SHROOM4: variants seen among roughly 807,000 people sequenced by gnomAD.
SHROOM4 encodes the protein protein Shroom4.
In SHROOM4, 17 loss-of-function variants were observed where a neutral mutation model predicts 80.3. That is an observed-to-expected ratio of 0.21 (90% CI 0.14 to 0.32). The LOEUF is 0.32. Ranked by LOEUF, SHROOM4 falls within the 10% of genes least tolerant of loss-of-function variation. SHROOM4 has a pLI of 1.00. For missense variants in SHROOM4, 993 were observed against 1,140.3 expected, an observed-to-expected ratio of 0.87 and a Z score of 1.86; for synonymous variants, 400 against 437.5, an observed-to-expected ratio of 0.91 and a Z score of 1.07.
Position 50,598,477 on chromosome X carries a change from C to A in SHROOM4, c.4001G>T (p.Gly1334Val). ...ATTGGCATTGATGTCCTCTAGCAGCCCTCGCTGGGCCTCCCGCAAGACAGA... is the reference window on the plus strand; with the variant it reads ...ATTGGCATTGATGTCCTCTAGCAGCACTCGCTGGGCCTCCCGCAAGACAGA... ...KLSVLREAQR[G>V]LLEDINANSA... The change falls in exon 8 of 9, where the codon GGG becomes GTG. Residue 1334 changes from glycine (G) to valine (V), a missense_variant. Gly to Val is a moderately radical substitution (Grantham distance 109, BLOSUM62 -3). Transcript: ENST00000376020. 2 of 1,206,841 alleles carry A rather than the reference C, an allele frequency of 1.7e-6. No individual in the cohort carries two copies. The highest frequency in any genetic ancestry group is 2.2e-6 in the Non-Finnish European group (2 of 892,947).
chrX:50,804,465 T>G (rs782730848), intron 1 of SHROOM4, among the ~76,000 whole-genome samples: 7 of 112,284 alleles, frequency 6.2e-5, no homozygotes, highest in Non-Finnish European at 1.3e-4. Context: ...TTTCCCTCCC[T>G]CCGTCTGTCC....
intron 1 of SHROOM4, among the ~76,000 whole-genome samples, chrX:50,809,331 T>C (rs924392839): frequency 1.8e-5 from 2 of 112,320 alleles, no homozygotes; most frequent in Admixed American, 1.9e-4. Flanking sequence ...AGACAACCTC[T>C]ATCTGAGTTT....
At chrX:50,611,862 G>A (rs191434851) in intron 5 of SHROOM4, among the ~76,000 whole-genome samples, 45 of 111,388 alleles carry the variant, frequency 4.0e-4, no homozygotes, top group African/African-American at 1.4e-3. Flanking sequence ...GGAGGCTGCA[G>A]TGAACTGAGA....
chrX:50,704,340 T>G (rs1933600490), intron 1 of SHROOM4, among the ~76,000 whole-genome samples: 1 of 112,423 alleles, frequency 8.9e-6, no homozygotes, highest in Non-Finnish European at 1.9e-5. Flanking sequence ...ATAATTCTAC[T>G]TGGATTAATA....
rs1557248891 is a variant in SHROOM4, at chrX:50,607,749, C to CTCT, written c.3392_3393insAGA (p.Glu1151dup). ...CTTCTTCCTCCTCCTCCTCCTCCTC[C>CTCT]TGTTGCTTCTGCTGCTGCTGTTGCT... is the stretch of plus-strand genomic sequence containing the variant. On this transcript the variant is annotated inframe_insertion, in exon 6 of 9. Coordinates refer to ENST00000376020, the MANE Select transcript of SHROOM4 (RefSeq NM_020717.5). 8.4e-7 allele frequency: 1 copy of CTCT among 1,189,031 alleles called. No individual in the cohort carries two copies. The highest frequency in any genetic ancestry group is 1.1e-6 in the Non-Finnish European group (1 of 883,929).
At chrX:50,601,102 T>C (rs1929375824) in intron 7 of SHROOM4, among the ~76,000 whole-genome samples, 1 of 111,579 alleles carries the variant, frequency 9.0e-6, no homozygotes, top group Admixed American at 9.5e-5. Flanking sequence ...AGTTGTGGAG[T>C]CATCACAGAT....
chrX:50,803,434 A>G (rs1936168174), intron 1 of SHROOM4, among the ~76,000 whole-genome samples: 1 of 112,000 alleles, frequency 8.9e-6, no homozygotes, highest in Non-Finnish European at 1.9e-5. Context: ...TAGTCAACAC[A>G]CTGTGGAGTG....
At chrX:50,667,633 G>A (rs1557260440) in intron 2 of SHROOM4, among the ~76,000 whole-genome samples, 1 of 111,410 alleles carries the variant, frequency 9.0e-6, no homozygotes, top group South Asian at 3.8e-4. Context: ...TCTGACAAAG[G>A]ACTAGTATCT....
intron 1 of SHROOM4, among the ~76,000 whole-genome samples, chrX:50,749,534 G>T (rs1557267894): frequency 9.0e-6 from 1 of 111,694 alleles, no homozygotes. Flanking sequence ...CTATACAACA[G>T]GCTGTAGAAC....
intron 1 of SHROOM4, among the ~76,000 whole-genome samples, chrX:50,775,705 C>T (rs782758148): frequency 4.9e-4 from 55 of 111,858 alleles, no homozygotes; most frequent in Non-Finnish European, 8.6e-4. Flanking sequence ...TTTTTACATA[C>T]TCATGTTATG....
At chrX:50,811,710 T>C (rs1557273462) in intron 1 of SHROOM4, among the ~76,000 whole-genome samples, 1 of 111,841 alleles carries the variant, frequency 8.9e-6, no homozygotes, top group Non-Finnish European at 1.9e-5. Context: ...GGTCCCTTTA[T>C]ATACCGTTGA....
chrX:50,619,086 T>C (rs1389066742), intron 5 of SHROOM4, among the ~76,000 whole-genome samples: 1 of 112,125 alleles, frequency 8.9e-6, no homozygotes, highest in African/African-American at 3.2e-5. Context: ...TGTTCATCTC[T>C]TTTCCGCTTC....
At chrX:50,737,990 G>A (rs183953737) in intron 1 of SHROOM4, among the ~76,000 whole-genome samples, 2 of 111,457 alleles carry the variant, frequency 1.8e-5, no homozygotes, top group East Asian at 2.8e-4. Context: ...ATGATCAAGT[G>A]GGCATCATCC....
chrX:50,700,226 G>A (rs1557263437), intron 1 of SHROOM4, among the ~76,000 whole-genome samples: 1 of 111,950 alleles, frequency 8.9e-6, no homozygotes, highest in East Asian at 2.8e-4. Context: ...TTGTTTTATT[G>A]TTTTTGCAAA....
intron 1 of SHROOM4, among the ~76,000 whole-genome samples, chrX:50,709,344 G>C (rs910405741): frequency 8.9e-6 from 1 of 112,097 alleles, no homozygotes; most frequent in African/African-American, 3.2e-5. Flanking sequence ...AATATTTTCT[G>C]AACCCAAAAG....
chrX:50,677,482 A>C (rs984716465), intron 2 of SHROOM4, among the ~76,000 whole-genome samples: 3 of 111,264 alleles, frequency 2.7e-5, no homozygotes, highest in Non-Finnish European at 1.9e-5. Context: ...GTTTGATTTG[A>C]CTGGTGAGAT....
At chrX:50,705,989 T>TACACACACACACACACACACAC (rs56363612) in intron 1 of SHROOM4, among the ~76,000 whole-genome samples, 3 of 74,393 alleles carry the variant, frequency 4.0e-5, no homozygotes, top group African/African-American at 1.4e-4. Context: ...TCTCATCCTC[T>TACACACACACACACACACACAC]ACACACACAC....
At chrX:50,813,223 T>C (rs1389481997) in intron 1 of SHROOM4, among the ~76,000 whole-genome samples, 14 of 110,900 alleles carry the variant, frequency 1.3e-4, no homozygotes, top group Non-Finnish European at 2.3e-4. Flanking sequence ...CCAGCACAGC[T>C]GCGCTCCATG....
At chrX:50,739,258 G>T (rs782007907) in intron 1 of SHROOM4, among the ~76,000 whole-genome samples, 58 of 111,390 alleles carry the variant, frequency 5.2e-4, no homozygotes, top group African/African-American at 1.9e-3. Context: ...TACCATTCAG[G>T]ACATAGGCAT....
Sources: gnomAD v4.1 joint callset for allele counts (sites outside exome capture counted in the v4.1 genomes callset) on GRCh38, gnomAD v4.1.1 for gene constraint, MANE v1.5 for transcripts, NCBI Gene and HGNC (gene_info 2026-07-23, HGNC 2026-07-21) for gene names.